Variants in NLN observed in about 807,000 individuals in gnomAD.
NLN encodes the protein neurolysin.
Under a neutral mutation model 79.9 loss-of-function variants are expected in NLN, and 64 were observed. The ratio of observed to expected loss-of-function variants is 0.80; its 90% CI spans 0.65 to 0.99. The LOEUF is 0.99. Among genes scored for constraint, NLN ranks in the 50% least tolerant of loss-of-function variants. The pLI is 0.00. For missense variants in NLN, 835 were observed against 858.7 expected (o/e 0.97, Z 0.34); for synonymous variants, 267 against 296.6 (o/e 0.90, Z 1.02).
At chr5:65,727,942 A>G (rs979950995) in intron 1 of NLN, among the ~76,000 whole-genome samples, 3 of 151,996 alleles carry the variant, frequency 2.0e-5, no homozygotes, top group African/African-American at 7.3e-5. Context: ...GATTTTTTGT[A>G]TTTTTAGTAG....
chr5:65,793,920 G>A (rs1760118404), intron 9 of NLN, among the ~76,000 whole-genome samples: 1 of 152,146 alleles, frequency 6.6e-6, no homozygotes. Flanking sequence ...ACTCCAGACT[G>A]AACACCACAG....
chr5:65,816,221 C>G (rs1760667974), intron 12 of NLN, among the ~76,000 whole-genome samples: 1 of 151,986 alleles, frequency 6.6e-6, no homozygotes, highest in African/African-American at 2.4e-5. Flanking sequence ...AAGATCATGT[C>G]CTTTGTAGGG....
At chr5:65,757,519 A>G (rs907941706) in intron 1 of NLN, among the ~76,000 whole-genome samples, 2 of 152,198 alleles carry the variant, frequency 1.3e-5, no homozygotes, top group Admixed American at 1.3e-4. Context: ...AAGTATTTTG[A>G]ACCATGCCTG....
chr5:65,774,788 G>A (rs1759645426), intron 3 of NLN, among the ~76,000 whole-genome samples: 1 of 150,324 alleles, frequency 6.7e-6, no homozygotes, highest in African/African-American at 2.4e-5. Context: ...GCAGTGGCAC[G>A]ATCTCAGCTG....
chr5:65,762,963 A>T lies in NLN; in HGVS notation c.305A>T (p.Glu102Val). 1 of 1,613,630 alleles carries T rather than the reference A, an allele frequency of 6.2e-7. No individual in the cohort carries two copies. The highest frequency in any genetic ancestry group is 8.5e-7 in the Non-Finnish European group (1 of 1,179,768). Residue 102 changes from glutamate (E) to valine (V), a missense_variant, in exon 3 of 13, where the codon GAA becomes GTA. By Grantham distance (121) the Glu-to-Val change is moderately radical. Coordinates refer to ENST00000380985, the MANE Select transcript of NLN (RefSeq NM_020726.5). ...TAGTTTTTTTCTCCATCTGCAGTGGAAAGGACCATGCTAGACTTTCCCCAG... is the reference window on the plus strand; with the variant it reads ...TAGTTTTTTTCTCCATCTGCAGTGGTAAGGACCATGCTAGACTTTCCCCAG... ...LADVEVKYIV[E>V]RTMLDFPQHV...
intron 3 of NLN, among the ~76,000 whole-genome samples, chr5:65,764,106 C>T (rs1252641383): frequency 1.3e-5 from 2 of 152,008 alleles, no homozygotes; most frequent in Non-Finnish European, 2.9e-5. Context: ...AATTACATTT[C>T]TTTGTTGTTC....
chr5:65,791,691 C>G (rs1429326012), intron 8 of NLN, among the ~76,000 whole-genome samples: 1 of 151,674 alleles, frequency 6.6e-6, no homozygotes, highest in African/African-American at 2.4e-5. Context: ...CCACTGCACT[C>G]CAGCCTGGAT....
chr5:65,765,724 A>T (rs957106529), intron 3 of NLN, among the ~76,000 whole-genome samples: 1 of 151,758 alleles, frequency 6.6e-6, no homozygotes, highest in Non-Finnish European at 1.5e-5. Context: ...GAAAAAAAAA[A>T]AAATCCACAC....
In NLN at chr5:65,733,495, G is replaced by A. The variant is rs558888538; in HGVS notation, c.41+11081G>A. On this transcript the variant is annotated intron_variant, in intron 1 of 12. Coordinates refer to ENST00000380985, the MANE Select transcript of NLN (RefSeq NM_020726.5). ...TCCCATCTGGAGAGTCTTGACAACA[G>A]GGGTCATGCCAATTGGGAGATCCTT... 8.6e-6 allele frequency: 12 copies of A among 1,391,596 alleles called. 1 individual carries two copies. The highest frequency in any genetic ancestry group is 6.2e-5 in the African/African-American group (4 of 64,692). 86.2% of individuals were successfully genotyped at this position (1,391,596 alleles called of 1,614,324 possible).
intron 1 of NLN, among the ~76,000 whole-genome samples, chr5:65,756,255 TA>T (rs1045731354): frequency 6.6e-6 from 1 of 152,130 alleles, no homozygotes; most frequent in Non-Finnish European, 1.5e-5. Context: ...CACTTAATAT[TA>T]ATTCCTCTTA....
chr5:65,824,968 T>C lies in NLN; in HGVS notation c.*2053T>C, dbSNP rs1161863946. The C allele has an allele frequency of 6.6e-6, 1 of 152,318 alleles. No individual in the cohort carries two copies. Among genetic ancestry groups the C allele is most frequent in the Non-Finnish European group, 1.5e-5 (1 of 68,214 alleles). The allele number at this position is 152,318 out of a possible 1,614,324, so 9.4% of individuals were successfully genotyped here. On this transcript the variant is annotated 3_prime_UTR_variant, in exon 13 of 13. Transcript: ENST00000380985. ...AAAATACAAAAAGCTGGGCATGATG[T>C]TGGGTTCCTGTAGTCCCAGCTACTT...
intron 9 of NLN, 121 bp downstream of exon 9, chr5:65,792,776 A>G (rs1760096550): frequency 2.3e-6 from 2 of 887,322 alleles, no homozygotes; most frequent in South Asian, 1.4e-5. Flanking sequence ...CAAGAATTTT[A>G]TAGGCCTTCT....
intron 2 of NLN, 92 bp downstream of exon 2, chr5:65,758,918 A>G (rs1759281736): frequency 8.4e-7 from 1 of 1,191,302 alleles, no homozygotes. Context: ...CAGTTTTACA[A>G]GCATTGATTT....
rs1758666437 is a variant in NLN, at chr5:65,733,847, G to C, written c.41+11433G>C. 2.9e-5 allele frequency among the ~76,000 whole-genome samples: 4 copies of C among 136,772 alleles called. 1 individual carries two copies. Among genetic ancestry groups the C allele is most frequent in the Admixed American group, 7.1e-5 (1 of 14,086 alleles). The allele number at this position is 136,772 out of a possible 152,430, so 89.7% of individuals were successfully genotyped here. Reference sequence around the variant, plus strand: ...TGATTCTCCTGCCTCAGCCTCCCTAGTAGCTGGTGTTACTGGCATGCACCA... The same window carrying C: ...TGATTCTCCTGCCTCAGCCTCCCTACTAGCTGGTGTTACTGGCATGCACCA... On this transcript the variant is annotated intron_variant, in intron 1 of 12. Coordinates refer to ENST00000380985, the MANE Select transcript of NLN (RefSeq NM_020726.5).
At chr5:65,729,910 G>A (rs938309973) in intron 1 of NLN, among the ~76,000 whole-genome samples, 4 of 152,170 alleles carry the variant, frequency 2.6e-5, no homozygotes, top group East Asian at 1.9e-4. Context: ...TCATAGAGTC[G>A]ACTATATAAA....
At chr5:65,722,455 C>CG in intron 1 of NLN, 41 bp downstream of exon 1, 1 of 1,541,084 alleles carries the variant, frequency 6.5e-7, no homozygotes, top group Non-Finnish European at 8.8e-7. Context: ...GTGGGCAGGG[C>CG]GGGGTCTTTC....
chr5:65,788,612 G>A (rs1335850085), intron 8 of NLN, 128 bp downstream of exon 8: 1 of 931,574 alleles, frequency 1.1e-6, no homozygotes, highest in Non-Finnish European at 1.6e-6. Flanking sequence ...AAGGTGGGAG[G>A]ATTGCTTGAG....
intron 3 of NLN, among the ~76,000 whole-genome samples, chr5:65,770,598 T>C (rs1474770182): frequency 6.6e-6 from 1 of 152,202 alleles, no homozygotes; most frequent in Non-Finnish European, 1.5e-5. Flanking sequence ...CATCACCAAG[T>C]TGGAGAAAAA....
At chr5:65,775,371 T>TC (rs1759657217) in intron 3 of NLN, among the ~76,000 whole-genome samples, 1 of 152,124 alleles carries the variant, frequency 6.6e-6, no homozygotes, top group Non-Finnish European at 1.5e-5. Context: ...CACACGGCTG[T>TC]CCCCCTGTAG....
Sources: allele counts gnomAD v4.1 joint callset (sites outside exome capture counted in the v4.1 genomes callset), GRCh38; gene constraint gnomAD v4.1.1; transcripts MANE v1.5; gene names NCBI Gene and HGNC (gene_info 2026-07-23, HGNC 2026-07-21).